CTNNAL1: variants seen among roughly 807,000 people sequenced by gnomAD.
CTNNAL1 encodes alpha-catulin.
CTNNAL1 carries 69 observed loss-of-function variants against 93.6 expected under a neutral mutation model. The ratio of observed to expected loss-of-function variants is 0.74; its 90% CI spans 0.61 to 0.90. The LOEUF (loss-of-function observed/expected upper bound fraction) is 0.90, where lower values mean the gene tolerates loss of function less well. Ranked by LOEUF, CTNNAL1 falls within the 40% of genes least tolerant of loss-of-function variation. The probability of loss-of-function intolerance (pLI) is 0.00; values close to 1 mark genes in which losing one functional copy is unlikely to be tolerated. For synonymous variants in CTNNAL1, 286 were observed against 305.4 expected, an observed-to-expected ratio of 0.94 and a Z score of 0.66; for missense variants, 836 against 862.0, an observed-to-expected ratio of 0.97 and a Z score of 0.38.
intron 11 of CTNNAL1, among the ~76,000 whole-genome samples, chr9:108,962,823 T>C (rs1020106450): frequency 5.9e-5 from 9 of 152,370 alleles, no homozygotes; most frequent in African/African-American, 2.2e-4. Flanking sequence ...TCTTCACACT[T>C]ACCATATTAG....
At chr9:109,005,140 G>T (rs541431028) in intron 1 of CTNNAL1, among the ~76,000 whole-genome samples, 1 of 151,884 alleles carries the variant, frequency 6.6e-6, no homozygotes, top group African/African-American at 2.4e-5. Flanking sequence ...AAAGAGTCAC[G>T]ATAATTTTAA....
intron 1 of CTNNAL1, among the ~76,000 whole-genome samples, chr9:109,004,265 T>C (rs1458214966): frequency 6.6e-6 from 1 of 152,190 alleles, no homozygotes; most frequent in African/African-American, 2.4e-5. Flanking sequence ...ACCGTACTCC[T>C]AAACATTACC....
intron 11 of CTNNAL1, among the ~76,000 whole-genome samples, chr9:108,958,937 C>T (rs377690981): frequency 4.0e-5 from 6 of 148,398 alleles, no homozygotes; most frequent in African/African-American, 7.4e-5. Flanking sequence ...TAATTATTGC[C>T]GTTGATTCTA....
intron 8 of CTNNAL1, among the ~76,000 whole-genome samples, chr9:108,974,347 G>A (rs1374010233): frequency 6.6e-6 from 1 of 152,126 alleles, no homozygotes; most frequent in African/African-American, 2.4e-5. Flanking sequence ...AAATGGGTAG[G>A]CTTTTTTCTT....
chr9:109,011,848 G>A (rs983204930), intron 1 of CTNNAL1, among the ~76,000 whole-genome samples: 1 of 152,170 alleles, frequency 6.6e-6, no homozygotes, highest in Non-Finnish European at 1.5e-5. Context: ...CTTAGAACCT[G>A]GCCTACCACA....
At chr9:108,995,935 G>C (rs1252669235) in intron 2 of CTNNAL1, among the ~76,000 whole-genome samples, 1 of 151,316 alleles carries the variant, frequency 6.6e-6, no homozygotes, top group Non-Finnish European at 1.5e-5. Flanking sequence ...TAGGATTAAA[G>C]TCTAGGCAAT....
At chr9:108,996,069 C>A (rs1832005717) in intron 2 of CTNNAL1, among the ~76,000 whole-genome samples, 1 of 151,876 alleles carries the variant, frequency 6.6e-6, no homozygotes, top group South Asian at 2.1e-4. Context: ...CTCAAAAAAT[C>A]CTCCCATCTC....
At chr9:108,955,134 T>TC (rs1830660415) in intron 12 of CTNNAL1, among the ~76,000 whole-genome samples, 1 of 152,060 alleles carries the variant, frequency 6.6e-6, no homozygotes, top group African/African-American at 2.4e-5. Context: ...GGCTAATTTT[T>TC]TTTGTTGTTG....
chr9:108,949,506 G>C (rs544953601), intron 14 of CTNNAL1, among the ~76,000 whole-genome samples: 73 of 152,300 alleles, frequency 4.8e-4, no homozygotes, highest in African/African-American at 1.7e-3. Context: ...TCAGGAGTTT[G>C]AGACCATCCT....
chr9:108,964,427 GA>G (rs1447574384), intron 11 of CTNNAL1, among the ~76,000 whole-genome samples: 2 of 151,934 alleles, frequency 1.3e-5, no homozygotes, highest in African/African-American at 2.4e-5. Flanking sequence ...CATTTGAAGA[GA>G]AAAAATATAA....
At chr9:108,951,014 A>G (rs1830546794) in intron 14 of CTNNAL1, among the ~76,000 whole-genome samples, 1 of 151,486 alleles carries the variant, frequency 6.6e-6, no homozygotes, top group Admixed American at 6.6e-5. Context: ...CTATTTATTT[A>G]TTTATTTATT....
At chr9:109,011,565 T>C (rs1827204361) in intron 1 of CTNNAL1, among the ~76,000 whole-genome samples, 1 of 152,350 alleles carries the variant, frequency 6.6e-6, no homozygotes, top group Non-Finnish European at 1.5e-5. Flanking sequence ...CTCCAGATTA[T>C]GACTTTCTAG....
chr9:109,003,765 A>G (rs1188361409), intron 1 of CTNNAL1, among the ~76,000 whole-genome samples: 1 of 152,220 alleles, frequency 6.6e-6, no homozygotes, highest in Non-Finnish European at 1.5e-5. Context: ...CCTGGATCAT[A>G]TTTGTAATAG....
intron 8 of CTNNAL1, among the ~76,000 whole-genome samples, chr9:108,974,991 C>A (rs1831222608): frequency 6.6e-6 from 1 of 151,762 alleles, no homozygotes; most frequent in Non-Finnish European, 1.5e-5. Flanking sequence ...GGTGAAACCC[C>A]ATCTCTACTA....
chr9:108,990,882 C>A, intron 3 of CTNNAL1, 37 bp from the exon 4 acceptor site: 1 of 1,591,956 alleles, frequency 6.3e-7, no homozygotes, highest in Non-Finnish European at 8.5e-7. Flanking sequence ...TTGGTGAGAG[C>A]TACTCAAGAG....
intron 7 of CTNNAL1, among the ~76,000 whole-genome samples, chr9:108,979,074 A>C (rs929755184): frequency 6.6e-6 from 1 of 152,190 alleles, no homozygotes; most frequent in Non-Finnish European, 1.5e-5. Flanking sequence ...AATGAGAGTC[A>C]ACAGGCCTGG....
intron 11 of CTNNAL1, among the ~76,000 whole-genome samples, chr9:108,961,146 T>C (rs1830810953): frequency 6.6e-6 from 1 of 152,192 alleles, no homozygotes. Flanking sequence ...GTGGCTAGAA[T>C]ACAGCAAAGG....
rs768326028 is a variant in CTNNAL1, at chr9:108,984,376, A to G, written c.700T>C (p.Cys234Arg). ...GAAGCTGTGAGAAGCATCATTGTAC[A>G]CTTTTCAAGAACTGCCCTAGCTGCT... Reference protein sequence around the residue: ...MAAARAVLEKCTMMLLTASKT... With the variant: ...MAAARAVLEKRTMMLLTASKT... Residue 234 changes from cysteine to arginine, a missense_variant, in exon 5 of 19, where the codon TGT becomes CGT. By Grantham distance (180) the Cys-to-Arg change is radical. Coordinates refer to ENST00000325551, the MANE Select transcript of CTNNAL1 (RefSeq NM_003798.4). 3.1e-6 allele frequency: 5 copies of G among 1,611,592 alleles called. No individual in the cohort carries two copies. In the Admixed American group the frequency reaches 6.7e-5, roughly 22 times the overall value.
chr9:109,000,607 A>G (rs4978766), intron 1 of CTNNAL1, among the ~76,000 whole-genome samples: 20,443 of 152,056 alleles, frequency 0.13, 1,773 homozygotes, highest in African/African-American at 0.24. Flanking sequence ...CTTCTAAGAC[A>G]AAGCGATATT....
Sources: allele counts gnomAD v4.1 joint callset (sites outside exome capture counted in the v4.1 genomes callset), GRCh38; gene constraint gnomAD v4.1.1; transcripts MANE v1.5; gene names NCBI Gene and HGNC (gene_info 2026-07-23, HGNC 2026-07-21).